Variants in DLC1 observed in about 807,000 individuals in gnomAD.
The protein encoded by DLC1 is DLC1 Rho GTPase activating protein, also known as rho GTPase-activating protein 7.
DLC1 carries 54 observed loss-of-function variants against 140.3 expected under a neutral mutation model. That is an observed-to-expected ratio of 0.38 (90% CI 0.31 to 0.48). DLC1 has a LOEUF of 0.48. Ranked by LOEUF, DLC1 falls within the 20% of genes least tolerant of loss-of-function variation. The probability of loss-of-function intolerance (pLI) is 0.96; values close to 1 mark genes in which losing one functional copy is unlikely to be tolerated. For synonymous variants in DLC1, 986 were observed against 728.1 expected, an observed-to-expected ratio of 1.35 and a Z score of -5.70; for missense variants, 2,536 against 1,907.0, an observed-to-expected ratio of 1.33 and a Z score of -6.14.
intron 5 of DLC1, among the ~76,000 whole-genome samples, chr8:13,152,336 C>T (rs1257509761): frequency 6.6e-6 from 1 of 152,088 alleles, no homozygotes. Flanking sequence ...GGTTCACCTG[C>T]AAAGATTTTG....
At chr8:13,345,408 G>T (rs1481413549) in intron 4 of DLC1, among the ~76,000 whole-genome samples, 2 of 151,924 alleles carry the variant, frequency 1.3e-5, no homozygotes, top group South Asian at 2.1e-4. Flanking sequence ...AATAGATAAA[G>T]GTTACCTGGG....
chr8:13,262,687 A>C (rs567420123), intron 5 of DLC1, among the ~76,000 whole-genome samples: 2 of 152,274 alleles, frequency 1.3e-5, no homozygotes, highest in South Asian at 4.2e-4. Flanking sequence ...CGGCCTCCCA[A>C]GGTGCTGGGA....
chr8:13,128,067 C>G (rs975831216), intron 5 of DLC1, among the ~76,000 whole-genome samples: 1 of 151,124 alleles, frequency 6.6e-6, no homozygotes, highest in Non-Finnish European at 1.5e-5. Flanking sequence ...AAAAAAACAA[C>G]AACCAAAAAA....
chr8:13,137,530 C>T (rs1193164887), intron 5 of DLC1, among the ~76,000 whole-genome samples: 1 of 151,198 alleles, frequency 6.6e-6, no homozygotes, highest in African/African-American at 2.4e-5. Context: ...GATTTGGCAA[C>T]AAGACCTGTG....
At chr8:13,168,813 T>C (rs1250430517) in intron 5 of DLC1, among the ~76,000 whole-genome samples, 2 of 152,204 alleles carry the variant, frequency 1.3e-5, no homozygotes, top group African/African-American at 4.8e-5. Flanking sequence ...CGTTGCTATA[T>C]CTATCTGTGT....
At chr8:13,517,108 A>G (rs1230298841), upstream of DLC1, among the ~76,000 whole-genome samples, 2 of 152,182 alleles carry the variant, frequency 1.3e-5, no homozygotes, top group Non-Finnish European at 2.9e-5. Flanking sequence ...ATTTATGTTT[A>G]TTTCCCTAAG....
At chr8:13,117,425 C>T (rs1017641218) in intron 5 of DLC1, among the ~76,000 whole-genome samples, 2 of 151,938 alleles carry the variant, frequency 1.3e-5, no homozygotes, top group African/African-American at 4.8e-5. Context: ...CTGCAGTTAA[C>T]CTCAATGGTA....
At chr8:13,347,464 G>C (rs1347483412) in intron 4 of DLC1, among the ~76,000 whole-genome samples, 1 of 152,150 alleles carries the variant, frequency 6.6e-6, no homozygotes, top group Non-Finnish European at 1.5e-5. Context: ...TGTCGGGGAT[G>C]GGGCATGAGA....
chr8:13,548,348 TA>T (rs1450953052), intron 1 of DLC1, among the ~76,000 whole-genome samples: 1 of 142,738 alleles, frequency 7.0e-6, no homozygotes, highest in Non-Finnish European at 1.5e-5. Flanking sequence ...TTTTGGTTTA[TA>T]TCTTGTTCAT....
At chr8:13,526,923 TA>T (rs921993208) in intron 1 of DLC1, among the ~76,000 whole-genome samples, 2 of 152,044 alleles carry the variant, frequency 1.3e-5, no homozygotes, top group Non-Finnish European at 2.9e-5. Context: ...AAGTAAAATT[TA>T]AAAAAAAGTT....
chr8:13,405,309 C>G (rs1359667173), intron 2 of DLC1, among the ~76,000 whole-genome samples: 1 of 151,530 alleles, frequency 6.6e-6, no homozygotes, highest in Non-Finnish European at 1.5e-5. Flanking sequence ...CTTCTCCCCT[C>G]TGTGGTCCTC....
chr8:13,099,167 T>G (rs1818759932), intron 9 of DLC1, among the ~76,000 whole-genome samples, 180 bp downstream of exon 9: 1 of 152,178 alleles, frequency 6.6e-6, no homozygotes, highest in Non-Finnish European at 1.5e-5. Context: ...CGGAACTCTA[T>G]ACCCATTCAA....
chr8:13,573,155 T>C (rs1158466116), intron 1 of DLC1, among the ~76,000 whole-genome samples: 1 of 152,234 alleles, frequency 6.6e-6, no homozygotes, highest in Non-Finnish European at 1.5e-5. Context: ...TGTTTTGTGA[T>C]CTTTACCATG....
chr8:13,173,696 A>G (rs1419305499), intron 5 of DLC1, among the ~76,000 whole-genome samples: 1 of 152,154 alleles, frequency 6.6e-6, no homozygotes, highest in Non-Finnish European at 1.5e-5. Flanking sequence ...TTCCGCTACT[A>G]AATTAAGGAT....
rs1821891057 is a variant in DLC1 at position 13,129,398 on chromosome 8, CTA to C, written c.1349-13743_1349-13742del. ...CTAGGACACACTGGATATTTACACT[CTA>C]TGGTTGGGCATTAGTTCACCCAGAC... is the stretch of plus-strand genomic sequence containing the variant. On this transcript the variant is annotated intron_variant, in intron 5 of 17. Transcript: ENST00000276297. 2.0e-5 allele frequency among the ~76,000 whole-genome samples: 3 copies of C among 152,312 alleles called. No homozygotes were observed. The South Asian group carries it at 6.2e-4, about 32-fold the overall frequency.
intron 4 of DLC1, among the ~76,000 whole-genome samples, chr8:13,350,872 C>G (rs1354738890): frequency 6.6e-6 from 1 of 152,112 alleles, no homozygotes; most frequent in Non-Finnish European, 1.5e-5. Context: ...AAATTGTTTT[C>G]AAGTATAATA....
chr8:13,095,467 C>T, intron 10 of DLC1: 1 of 574,480 alleles, frequency 1.7e-6, no homozygotes, highest in Non-Finnish European at 3.1e-6. Flanking sequence ...CTGTATTGGC[C>T]TGTGCAGATA....
At chr8:13,211,677 A>G (rs372706757) in intron 5 of DLC1, among the ~76,000 whole-genome samples, 1 of 152,356 alleles carries the variant, frequency 6.6e-6, no homozygotes, top group East Asian at 1.9e-4. Flanking sequence ...TCTATTAGAT[A>G]CAAAACACAA....
chr8:13,279,804 A>G (rs1231416428), intron 5 of DLC1, among the ~76,000 whole-genome samples: 1 of 152,230 alleles, frequency 6.6e-6, no homozygotes, highest in Non-Finnish European at 1.5e-5. Flanking sequence ...GCTGCTTAGA[A>G]TCTGCCACTT....
Sources: gnomAD v4.1 joint callset for allele counts (sites outside exome capture counted in the v4.1 genomes callset) on GRCh38, gnomAD v4.1.1 for gene constraint, MANE v1.5 for transcripts, NCBI Gene and HGNC (gene_info 2026-07-23, HGNC 2026-07-21) for gene names.